The following DENND6A variants were observed in gnomAD, a reference collection of about 807,000 sequenced individuals.
The protein encoded by DENND6A is protein DENND6A.
DENND6A carries 43 observed loss-of-function variants against 95.5 expected under a neutral mutation model. The ratio of observed to expected loss-of-function variants is 0.45; its 90% confidence interval spans 0.35 to 0.58. The LOEUF (loss-of-function observed/expected upper bound fraction) is 0.58. Among genes scored for constraint, DENND6A ranks in the 20% least tolerant of loss-of-function variants. DENND6A has a pLI of 0.00. For missense variants in DENND6A, 574 were observed against 736.0 expected (o/e 0.78, Z 2.55); for synonymous variants, 257 against 260.4 (o/e 0.99, Z 0.13).
Position 57,628,332 on chromosome 3 carries a change from C to G in DENND6A, c.1709G>C (p.Arg570Pro), listed in dbSNP as rs145204368. The G allele has an allele frequency of 5.1e-4, 823 of 1,613,786 alleles. No individual in the cohort carries two copies. The highest frequency in any genetic ancestry group is 6.6e-4 in the Non-Finnish European group (780 of 1,179,902). The stretch of plus-strand genomic sequence containing the variant: ...GTCAGGTTTCACAGGTAAGTGCTCT[C>G]GATCAGCCTGCAACTACATAAGGAA... ...KLKNKLLQAD[R>P]EHLPVKPDTM... Residue 570 changes from arginine (R) to proline (P), a missense_variant, in exon 20 of 20, where the codon CGA (arginine) becomes CCA (proline). Physicochemically the swap from Arg to Pro is moderately radical, Grantham distance 103. This residue lies in a region of DENND6A where 452 missense variants were observed against 630.9 expected (regional missense o/e 0.72). Transcript: ENST00000311128.
intron 9 of DENND6A, among the ~76,000 whole-genome samples, chr3:57,649,779 C>A (rs1342929341): frequency 1.6e-4 from 24 of 151,836 alleles, no homozygotes; most frequent in Admixed American, 1.6e-3. Flanking sequence ...TGCTCACTCT[C>A]TGATTCTCCT....
chr3:57,647,867 G>T (rs2071112967), intron 9 of DENND6A, among the ~76,000 whole-genome samples: 1 of 150,928 alleles, frequency 6.6e-6, no homozygotes, highest in Non-Finnish European at 1.5e-5. Flanking sequence ...GGGGGTGGGG[G>T]GTCAATCCAA....
chr3:57,631,094 ACAACTCC>A, intron 15 of DENND6A, 116 bp from the exon 16 acceptor site: 1 of 814,270 alleles, frequency 1.2e-6, no homozygotes, highest in Non-Finnish European at 2.0e-6. Context: ...ATGGACAGCA[ACAACTCC>A]ATCACTCCCC....
Position 57,627,647 on chromosome 3 carries a change from G to C in DENND6A, c.*567C>G, listed in dbSNP as rs950927314. The C allele has an allele frequency of 1.3e-5, 2 of 152,194 alleles. No homozygotes were observed. The highest frequency in any genetic ancestry group is 2.9e-5 in the Non-Finnish European group (2 of 67,954). 9.4% of individuals were successfully genotyped at this position (152,194 alleles called of 1,614,324 possible). ...GCAAGAAACTTTTTTTTTAAACAAT[G>C]ATCACTCAACAGAATACCTTATAAA... On this transcript the variant is annotated 3_prime_UTR_variant, in exon 20 of 20. Transcript: ENST00000311128.
intron 1 of DENND6A, among the ~76,000 whole-genome samples, chr3:57,674,924 T>A (rs923262350): frequency 1.3e-5 from 2 of 152,056 alleles, no homozygotes; most frequent in African/African-American, 4.8e-5. Flanking sequence ...AGCTAAATAA[T>A]GAGACCTTAT....
intron 1 of DENND6A, among the ~76,000 whole-genome samples, chr3:57,690,428 TGGGAGGCGGAGCTTGCA>T (rs568305504): frequency 1.4e-4 from 22 of 152,044 alleles, no homozygotes; most frequent in East Asian, 3.9e-4. Flanking sequence ...GGCGTGAACC[TGGGAGGCGGAGCTTGCA>T]GGGAGGCGGA....
intron 4 of DENND6A, among the ~76,000 whole-genome samples, chr3:57,664,949 T>C (rs1246961749): frequency 6.6e-6 from 1 of 152,142 alleles, no homozygotes; most frequent in East Asian, 1.9e-4. Flanking sequence ...GAGGCAGCTG[T>C]TTTTGAATTG....
chr3:57,642,865 G>T (rs1236299311), intron 11 of DENND6A, among the ~76,000 whole-genome samples: 1 of 152,100 alleles, frequency 6.6e-6, no homozygotes, highest in Non-Finnish European at 1.5e-5. Flanking sequence ...AATTAGCCAG[G>T]TGTGGTGGCA....
chr3:57,660,883 T>C, intron 6 of DENND6A, 44 bp from the exon 7 acceptor site: 12 of 1,497,834 alleles, frequency 8.0e-6, no homozygotes, highest in Non-Finnish European at 1.1e-5. Context: ...AGTGAAAATA[T>C]CAAAGTATTA....
intron 3 of DENND6A, among the ~76,000 whole-genome samples, chr3:57,668,784 CT>C (rs1229734170): frequency 2.6e-5 from 4 of 152,172 alleles, no homozygotes; most frequent in African/African-American, 9.7e-5. Context: ...TGTCTCTTTC[CT>C]AAAGACTGCT....
At chr3:57,636,051 A>G (rs563148258) in intron 12 of DENND6A, among the ~76,000 whole-genome samples, 1 of 152,354 alleles carries the variant, frequency 6.6e-6, no homozygotes, top group Admixed American at 6.5e-5. Flanking sequence ...TATATAATAC[A>G]TAAAACATAC....
chr3:57,688,602 A>AC (rs2077232140), intron 1 of DENND6A, among the ~76,000 whole-genome samples: 1 of 151,988 alleles, frequency 6.6e-6, no homozygotes, highest in Non-Finnish European at 1.5e-5. Context: ...AAGCAGAGTA[A>AC]CGGGGGAGCA....
Position 57,641,580 on chromosome 3 carries a change from T to A in DENND6A, c.1132+73A>T, listed in dbSNP as rs1039393796. ...AAGCTGCCATCAACATAAAAAATAA[T>A]CAAGGATGAAAAGAAAGAAACCTGT... On this transcript the variant is annotated intron_variant, in intron 12 of 19. Transcript: ENST00000311128. 16 of 1,293,748 alleles carry A rather than the reference T, an allele frequency of 1.2e-5. No individual in the cohort carries two copies. In the African/African-American group the frequency reaches 2.3e-4, roughly 18 times the overall value. The allele number at this position is 1,293,748 out of a possible 1,614,324, so 80.1% of individuals were successfully genotyped here. A position where few individuals can be genotyped will look rare whatever the true frequency, so the allele number is the denominator to read the frequency against.
Position 57,666,221 on chromosome 3 carries a change from T to C in DENND6A, c.334A>G (p.Thr112Ala). ...PDSNSGCLGD[T>A]QFCFRFRQSS... ...TGTCGAAATCTAAAACAAAACTGGG[T>C]ATCTCCAAGACAACCTAATGAAAAT... is the stretch of plus-strand genomic sequence containing the variant. Residue 112 changes from threonine to alanine, a missense_variant, in exon 4 of 20, where the codon ACC becomes GCC. Physicochemically the swap from Thr to Ala is moderately conservative, Grantham distance 58 (BLOSUM62 0). Transcript: ENST00000311128. 6.2e-7 allele frequency: 1 copy of C among 1,613,224 alleles called. No homozygotes were observed. Among genetic ancestry groups the C allele is most frequent in the Non-Finnish European group, 8.5e-7 (1 of 1,179,314 alleles).
chr3:57,689,624 C>G (rs180852640), intron 1 of DENND6A, among the ~76,000 whole-genome samples: 27 of 152,310 alleles, frequency 1.8e-4, no homozygotes, highest in Admixed American at 3.3e-4. Context: ...AACCACTCCC[C>G]CTTCTACTCA....
chr3:57,674,529 G>A (rs2071677612), intron 1 of DENND6A, among the ~76,000 whole-genome samples: 1 of 151,912 alleles, frequency 6.6e-6, no homozygotes, highest in Admixed American at 6.6e-5. Context: ...TACTCCGGAG[G>A]CTGAAGCAGG....
chr3:57,673,540 A>G (rs1219083631), intron 1 of DENND6A, among the ~76,000 whole-genome samples: 4 of 152,234 alleles, frequency 2.6e-5, no homozygotes, highest in Non-Finnish European at 5.9e-5. Flanking sequence ...ACAGTTAAAA[A>G]TAATTTATTG....
chr3:57,674,449 G>C (rs1187814176), intron 1 of DENND6A, among the ~76,000 whole-genome samples: 1 of 151,578 alleles, frequency 6.6e-6, no homozygotes, highest in Non-Finnish European at 1.5e-5. Context: ...TGGCCAACAA[G>C]GTAAAACCCC....
intron 3 of DENND6A, among the ~76,000 whole-genome samples, chr3:57,666,753 A>G (rs551978575): frequency 6.6e-6 from 1 of 152,340 alleles, no homozygotes; most frequent in Admixed American, 6.5e-5. Flanking sequence ...CTTGTCAACA[A>G]AATCAAGGAG....
Sources: gnomAD v4.1 joint callset for allele counts (sites outside exome capture counted in the v4.1 genomes callset) on GRCh38, gnomAD v4.1.1 for gene constraint, gnomAD v4.1.1 regional missense constraint, MANE v1.5 for transcripts, NCBI Gene and HGNC (gene_info 2026-07-23, HGNC 2026-07-21) for gene names.